ZBTB20: variants seen among roughly 807,000 people sequenced by gnomAD.
ZBTB20 encodes the protein zinc finger and BTB domain containing 20.
ZBTB20 carries 9 observed loss-of-function variants against 56.9 expected under a neutral mutation model. That is an observed-to-expected ratio of 0.16 (90% CI 0.10 to 0.28). The LOEUF (loss-of-function observed/expected upper bound fraction) is 0.28, where lower values mean the gene tolerates loss of function less well. Among genes scored for constraint, ZBTB20 ranks in the 10% least tolerant of loss-of-function variants. ZBTB20 has a pLI of 1.00. For missense variants in ZBTB20, 655 were observed against 1,003.0 expected (o/e 0.65, Z 4.69); for synonymous variants, 417 against 420.7 (o/e 0.99, Z 0.11).
Position 114,446,633 on chromosome 3 carries a change from T to C in ZBTB20, c.-255+53719A>G, listed in dbSNP as rs571947015. Among the ~76,000 whole-genome samples, 3 of 152,254 alleles carry C rather than the reference T, an allele frequency of 2.0e-5. No individual in the cohort carries two copies. The South Asian group carries it at 6.2e-4, about 32-fold the overall frequency. ...TCATACAAATACAGTTTCACGAACTTCCTCTCTCTCTTTCTTCATGTAAGT... is the reference window on the plus strand; with the variant it reads ...TCATACAAATACAGTTTCACGAACTCCCTCTCTCTCTTTCTTCATGTAAGT... On this transcript the variant is annotated intron_variant, in intron 7 of 11. Transcript: ENST00000675478.
rs534886797 is a variant in ZBTB20, at chr3:114,609,534, A to G, written c.-295+83994T>C. 3.2e-4 allele frequency among the ~76,000 whole-genome samples: 49 copies of G among 152,222 alleles called. No homozygotes were observed. The South Asian group carries it at 9.9e-3, about 31-fold the overall frequency. On this transcript the variant is annotated intron_variant, in intron 6 of 11. Coordinates refer to ENST00000675478, the MANE Select transcript of ZBTB20 (RefSeq NM_001348800.3). The stretch of plus-strand genomic sequence containing the variant: ...CATTAGTATGGTTTCACTTTGGGGG[A>G]AAAAAACTCTTTTTCCTCATAAGGC...
chr3:115,064,443 CT>C (rs34098178), intron 2 of ZBTB20, among the ~76,000 whole-genome samples: 7,299 of 78,256 alleles, frequency 0.093, 90 homozygotes, highest in African/African-American at 0.21. Context: ...TCTCATAATT[CT>C]TTTTTTTTTT....
intron 7 of ZBTB20, among the ~76,000 whole-genome samples, chr3:114,450,333 A>AT (rs1559804318): frequency 6.6e-6 from 1 of 152,142 alleles, no homozygotes; most frequent in African/African-American, 2.4e-5. Flanking sequence ...CAAAACTCAA[A>AT]TTTTTTTATC....
intron 4 of ZBTB20, among the ~76,000 whole-genome samples, chr3:114,867,381 G>C (rs778546066): frequency 2.6e-5 from 4 of 152,152 alleles, no homozygotes; most frequent in African/African-American, 7.2e-5. Context: ...CCTTTGAAAA[G>C]TAACAGGTTA....
chr3:114,331,821 A>G lies in ZBTB20; in HGVS notation c.*7184T>C, dbSNP rs1207655370. On this transcript the variant is annotated 3_prime_UTR_variant, in exon 12 of 12. Coordinates refer to ENST00000675478, the MANE Select transcript of ZBTB20 (RefSeq NM_001348800.3). ...TCGACTTCTAACCAGAAGTTCAAAA[A>G]TGTATCTTGTTGTCACTGGGCAATA... 1.3e-5 allele frequency: 2 copies of G among 152,198 alleles called. No homozygotes were observed. Among genetic ancestry groups the G allele is most frequent in the Non-Finnish European group, 2.9e-5 (2 of 68,030 alleles). 9.4% of individuals were successfully genotyped at this position (152,198 alleles called of 1,614,324 possible). A position where few individuals can be genotyped will look rare whatever the true frequency, so the allele number is the denominator to read the frequency against.
intron 3 of ZBTB20, among the ~76,000 whole-genome samples, chr3:114,941,236 G>A (rs1028116515): frequency 2.1e-5 from 3 of 145,662 alleles, no homozygotes; most frequent in Non-Finnish European, 4.4e-5. Flanking sequence ...TTTTACCTTG[G>A]GAAAAGATTT....
At chr3:114,608,096 G>A (rs1444592450) in intron 6 of ZBTB20, among the ~76,000 whole-genome samples, 2 of 152,068 alleles carry the variant, frequency 1.3e-5, no homozygotes, top group Admixed American at 6.5e-5. Context: ...ACTAGGAAGG[G>A]TTGGGAGTAA....
chr3:114,459,975 G>A (rs976240305), intron 7 of ZBTB20, among the ~76,000 whole-genome samples: 2 of 151,938 alleles, frequency 1.3e-5, no homozygotes, highest in Admixed American at 6.6e-5. Flanking sequence ...CAAGCAGAAG[G>A]TATTTAGGAA....
At chr3:115,108,589 G>A (rs2083789275) in intron 1 of ZBTB20, among the ~76,000 whole-genome samples, 2 of 152,102 alleles carry the variant, frequency 1.3e-5, no homozygotes, top group African/African-American at 4.8e-5. Context: ...TTCAGGAAAG[G>A]ATAATGTATA....
At chr3:114,458,125 C>A (rs2092129889) in intron 7 of ZBTB20, among the ~76,000 whole-genome samples, 1 of 152,092 alleles carries the variant, frequency 6.6e-6, no homozygotes, top group Non-Finnish European at 1.5e-5. Flanking sequence ...TGACCATGAC[C>A]ACCCAGGGCA....
At chr3:114,518,053 G>A (rs1181138986) in intron 6 of ZBTB20, among the ~76,000 whole-genome samples, 1 of 152,140 alleles carries the variant, frequency 6.6e-6, no homozygotes, top group Non-Finnish European at 1.5e-5. Context: ...AATACATAAA[G>A]GGGGTTAGGA....
intron 6 of ZBTB20, among the ~76,000 whole-genome samples, chr3:114,661,876 T>A (rs1449208540): frequency 6.6e-6 from 1 of 152,134 alleles, no homozygotes; most frequent in African/African-American, 2.4e-5. Flanking sequence ...TACATTAACT[T>A]TATCTCTGAG....
intron 2 of ZBTB20, among the ~76,000 whole-genome samples, chr3:115,019,606 G>A (rs1008421953): frequency 6.6e-6 from 1 of 151,194 alleles, no homozygotes; most frequent in Admixed American, 6.6e-5. Flanking sequence ...CTGTACCTAG[G>A]AACATTTGTT....
At chr3:114,555,474 T>G (rs543380649) in intron 6 of ZBTB20, among the ~76,000 whole-genome samples, 1 of 152,112 alleles carries the variant, frequency 6.6e-6, no homozygotes, top group Admixed American at 6.6e-5. Flanking sequence ...GCACAATATT[T>G]CCCCCATAGA....
chr3:114,996,598 A>G (rs925670569), intron 2 of ZBTB20, among the ~76,000 whole-genome samples: 1 of 151,970 alleles, frequency 6.6e-6, no homozygotes, highest in African/African-American at 2.4e-5. Flanking sequence ...TTCTTTATCC[A>G]GTCTATCATT....
At chr3:114,527,214 T>C (rs1030766325) in intron 6 of ZBTB20, 2 of 152,224 alleles carry the variant, frequency 1.3e-5, no homozygotes, top group African/African-American at 4.8e-5. Context: ...ATTGTCTTGT[T>C]ACTGCAGTGG....
intron 5 of ZBTB20, among the ~76,000 whole-genome samples, chr3:114,749,543 A>T (rs2067386729): frequency 6.7e-6 from 1 of 149,230 alleles, no homozygotes; most frequent in Admixed American, 6.8e-5. Context: ...ACAGTCCGTG[A>T]CTCCATCAAA....
At chr3:114,573,571 A>G (rs1473863969) in intron 6 of ZBTB20, among the ~76,000 whole-genome samples, 1 of 151,722 alleles carries the variant, frequency 6.6e-6, no homozygotes, top group Non-Finnish European at 1.5e-5. Context: ...AAAAGAAAAA[A>G]GAGAAAAAGG....
At position 114,326,069 on chromosome 3, in the gene ZBTB20, T is replaced by C. The variant is rs2108019201; in HGVS notation, c.*12936A>G. ...AGGTGTTTCTCTACTTAAGACTTCA[T>C]GAACACATACAGTCTTGAAATGGCT... On this transcript the variant is annotated 3_prime_UTR_variant, in exon 12 of 12. Transcript: ENST00000675478. 1 of 152,180 alleles carries C rather than the reference T, an allele frequency of 6.6e-6. No individual in the cohort carries two copies. The highest frequency in any genetic ancestry group is 2.1e-4 in the South Asian group (1 of 4,818). 9.4% of individuals were successfully genotyped at this position (152,180 alleles called of 1,614,324 possible).
Sources: gnomAD v4.1 joint callset for allele counts (sites outside exome capture counted in the v4.1 genomes callset) on GRCh38, gnomAD v4.1.1 for gene constraint, MANE v1.5 for transcripts, NCBI Gene and HGNC (gene_info 2026-07-23, HGNC 2026-07-21) for gene names.